Variants in HIRIP3 observed in about 807,000 individuals in gnomAD.
HIRIP3 encodes HIRA interacting protein 3.
In HIRIP3, 40 loss-of-function variants were observed where a neutral mutation model predicts 50.3. That is an observed-to-expected ratio of 0.79 (90% confidence interval 0.62 to 1.03). HIRIP3 has a LOEUF of 1.03. Among genes scored for constraint, HIRIP3 ranks in the 50% least tolerant of loss-of-function variants. The pLI, the probability that HIRIP3 is intolerant of heterozygous loss-of-function variation, is 0.00. For missense variants in HIRIP3, 765 were observed against 705.4 expected (o/e 1.08, Z -0.96); for synonymous variants, 318 against 261.6 (o/e 1.22, Z -2.08).
rs761669772 is a variant in HIRIP3, at chr16:29,995,459, G to A, written c.70C>T (p.Leu24Phe). The change falls in exon 2 of 7, where the codon CTT (leucine) becomes TTT (phenylalanine). Residue 24 changes from leucine to phenylalanine, a missense_variant. Leu to Phe is a conservative substitution (Grantham distance 22, BLOSUM62 0). Transcript: ENST00000279392. Reference sequence around the variant, plus strand: ...CTCCGCCGCACGATGGAATGCGTAAGCGTGCTGCAGGGACATGGTGTCAGG... The same window carrying A: ...CTCCGCCGCACGATGGAATGCGTAAACGTGCTGCAGGGACATGGTGTCAGG... ...FFRGRPDLSTLTHSIVRRRYL... is the reference protein window; with the variant it reads ...FFRGRPDLSTFTHSIVRRRYL... The A allele has an allele frequency of 6.2e-7, 1 of 1,613,690 alleles. No homozygotes were observed. Among genetic ancestry groups the A allele is most frequent in the South Asian group, 1.1e-5 (1 of 91,066 alleles).
In HIRIP3 at chr16:29,993,265, G is replaced by A; in HGVS notation, c.1613C>T (p.Ala538Val). The A allele has an allele frequency of 1.9e-6, 3 of 1,560,502 alleles. No homozygotes were observed. Among genetic ancestry groups the A allele is most frequent in the Non-Finnish European group, 2.6e-6 (3 of 1,153,408 alleles). Residue 538 changes from alanine (A) to valine (V), a missense_variant, in exon 7 of 7, where the codon GCA (alanine) becomes GTA (valine). Coordinates refer to ENST00000279392, the MANE Select transcript of HIRIP3 (RefSeq NM_003609.5). ...ACGCATATGTGACCAGTCTGGGGGT[G>A]CGGGACGGGGCCGCTCTTCATCTGA... ...LDSDEERPRP[A>V]PPDWSHMRGI... is the part of the protein sequence containing the mutation.
Position 29,994,109 on chromosome 16 carries a change from C to T in HIRIP3, c.1036G>A (p.Ala346Thr). The T allele has an allele frequency of 6.2e-7, 1 of 1,613,994 alleles. No individual in the cohort carries two copies. Among genetic ancestry groups the T allele is most frequent in the Non-Finnish European group, 8.5e-7 (1 of 1,179,970 alleles). The change falls in exon 4 of 7, where the codon GCT becomes ACT. Residue 346 changes from alanine to threonine, a missense_variant. Ala to Thr is a moderately conservative substitution (Grantham distance 58). Transcript: ENST00000279392. ...EEDSGKGEPT[A>T]KGSRKMARLG... ...CTGGCCATCTTTCTAGAGCCTTTAG[C>T]TGTGGGTTCCCCCTTCCCACTGTCT...
At position 29,995,156 on chromosome 16, in the gene HIRIP3, G is replaced by C. The variant is rs766721352; in HGVS notation, c.248C>G (p.Pro83Arg). 2 of 1,614,244 alleles carry C rather than the reference G, an allele frequency of 1.2e-6. No homozygotes were observed. Among genetic ancestry groups the C allele is most frequent in the South Asian group, 2.2e-5 (2 of 91,088 alleles). ...LDLTKKGKRP[P>R]TPCSDPERKR... ...TCTCTCCGGGTCGCTACAAGGGGTG[G>C]GAGGCCTCTTGCCCTTCTTGGTAAG... Residue 83 changes from proline to arginine, a missense_variant, in exon 3 of 7, where the codon CCC becomes CGC. Physicochemically the swap from Pro to Arg is moderately radical, Grantham distance 103. Coordinates refer to ENST00000279392, the MANE Select transcript of HIRIP3 (RefSeq NM_003609.5).
chr16:29,995,736 GACCGCGTGGGCCGAGA>G, upstream of HIRIP3: 2 of 1,157,704 alleles, frequency 1.7e-6, no homozygotes. Context: ...CTTGGCCGCG[GACCGCGTGGGCCGAGA>G]ACTTTGCCAG....
At position 29,993,343 on chromosome 16, in the gene HIRIP3, T is replaced by G. The variant is rs1319663085; in HGVS notation, c.1535A>C (p.Asn512Thr). ...TGGGGGTGCTGCTTCTCCTAAAGGG[T>G]TCCAGGCTGTACGTCTGCGTGGCCG... ...SGRPRRRTAWNPLGEAAPPGE... is the reference protein window; with the variant it reads ...SGRPRRRTAWTPLGEAAPPGE... The change falls in exon 7 of 7, where the codon AAC becomes ACC. Residue 512 changes from asparagine (N) to threonine (T), a missense_variant. Physicochemically the swap from Asn to Thr is moderately conservative, Grantham distance 65. Coordinates refer to ENST00000279392, the MANE Select transcript of HIRIP3 (RefSeq NM_003609.5). The G allele has an allele frequency of 1.3e-6, 2 of 1,549,144 alleles. No homozygotes were observed. The highest frequency in any genetic ancestry group is 2.7e-5 in the African/African-American group (2 of 72,976).
Position 29,995,442 on chromosome 16 carries a change from C to A in HIRIP3, c.87G>T (p.Val29=). ...PDLSTLTHSI[V]RRRYLAHSGR... Reference sequence around the variant, plus strand: ...CCGAGTGAGCTAAGTACCTCCGCCGCACGATGGAATGCGTAAGCGTGCTGC... The same window carrying A: ...CCGAGTGAGCTAAGTACCTCCGCCGAACGATGGAATGCGTAAGCGTGCTGC... Residue 29 remains valine (V), a synonymous_variant, in exon 2 of 7, where the codon GTG becomes GTT. Transcript: ENST00000279392. The A allele has an allele frequency of 6.2e-7, 1 of 1,613,636 alleles. No individual in the cohort carries two copies. The highest frequency in any genetic ancestry group is 8.5e-7 in the Non-Finnish European group (1 of 1,179,792).
At position 29,995,384 on chromosome 16, in the gene HIRIP3, C is replaced by G. The variant is rs1240975019; in HGVS notation, c.145G>C (p.Ala49Pro). Residue 49 changes from alanine to proline, a missense_variant, in exon 2 of 7, where the codon GCA (alanine) becomes CCA (proline). By Grantham distance (27) the Ala-to-Pro change is conservative (BLOSUM62 -1). Coordinates refer to ENST00000279392, the MANE Select transcript of HIRIP3 (RefSeq NM_003609.5). ...RSHLEPEEKQALKRLVEEELL... is the reference protein window; with the variant it reads ...RSHLEPEEKQPLKRLVEEELL... ...TCCTCCTCCACCAGCCGCTTCAGTG[C>G]CTGCTTCTCCTCGGGCTCCAGGTGG... is the stretch of plus-strand genomic sequence containing the variant. 1 of 1,613,378 alleles carries G rather than the reference C, an allele frequency of 6.2e-7. No homozygotes were observed. The highest frequency in any genetic ancestry group is 8.5e-7 in the Non-Finnish European group (1 of 1,179,782).
chr16:29,994,150 C>T lies in HIRIP3; in HGVS notation c.995G>A (p.Ser332Asn), dbSNP rs1467777456. Residue 332 changes from serine to asparagine, a missense_variant, in exon 4 of 7, where the codon AGC (serine) becomes AAC (asparagine). Transcript: ENST00000279392. The part of the protein sequence containing the change: ...QLKGGKRLSG[S>N]SEDEEDSGKG... ...CCCACTGTCTTCCTCGTCCTCGCTG[C>T]TTCCACTCAACCTCTTCCCACCCTT... The T allele has an allele frequency of 1.9e-6, 3 of 1,614,164 alleles. No homozygotes were observed. The highest frequency in any genetic ancestry group is 3.3e-5 in the Admixed American group (2 of 60,002).
chr16:29,994,556 C>T lies in HIRIP3; in HGVS notation c.589G>A (p.Glu197Lys). Residue 197 changes from glutamate to lysine, a missense_variant, in exon 4 of 7, where the codon GAG becomes AAG. Physicochemically the swap from Glu to Lys is moderately conservative, Grantham distance 56. Transcript: ENST00000279392. Reference protein sequence around the residue: ...VSRKQAREESEESEAEPVQRT... With the variant: ...VSRKQAREESKESEAEPVQRT... ...TGAACGGGTTCTGCCTCGCTCTCCT[C>T]ACTTTCTTCCCTGGCCTGCTTCCTA... The T allele has an allele frequency of 6.2e-7, 1 of 1,614,222 alleles. No individual in the cohort carries two copies. Among genetic ancestry groups the T allele is most frequent in the Non-Finnish European group, 8.5e-7 (1 of 1,180,040 alleles).
upstream of HIRIP3, chr16:29,995,619 G>A: frequency 1.9e-6 from 3 of 1,611,918 alleles, no homozygotes; most frequent in South Asian, 3.3e-5. Context: ...GCTCAACCCG[G>A]GATTGACGGC....
Position 29,994,299 on chromosome 16 carries a change from T to A in HIRIP3, c.846A>T (p.Ala282=). 2 of 1,614,216 alleles carry A rather than the reference T, an allele frequency of 1.2e-6. No homozygotes were observed. Among genetic ancestry groups the A allele is most frequent in the Non-Finnish European group, 1.7e-6 (2 of 1,180,040 alleles). The change falls in exon 4 of 7, where the codon GCA becomes GCT. Residue 282 remains alanine (A), a synonymous_variant. Coordinates refer to ENST00000279392, the MANE Select transcript of HIRIP3 (RefSeq NM_003609.5). ...TGTCTGAGTCTCCCAAGAGCCTCTT[T>A]GCCTGGCTTTTCTGCTTACAGCTCC... is the stretch of plus-strand genomic sequence containing the variant. ...EERSCKQKSQ[A]KRLLGDSDSE...
Position 29,994,056 on chromosome 16 carries a change from A to G in HIRIP3, c.1089T>C (p.Ser363=), listed in dbSNP as rs2150913960. The change falls in exon 4 of 7, where the codon AGT becomes AGC. Residue 363 remains serine, a synonymous_variant. Transcript: ENST00000279392. ...ARLGSTSGEE[S]DLEREVSDSE... is the part of the protein sequence containing the mutation. ...TGTCACTTACCTCCCTCTCCAAGTC[A>G]CTTTCCTCACCACTGGTGCTGCCCA... The G allele has an allele frequency of 6.2e-7, 1 of 1,612,056 alleles. No homozygotes were observed.
In HIRIP3 at chr16:29,994,737, T is replaced by C. The variant is rs920238234; in HGVS notation, c.408A>G (p.Ser136=). ...CATCACTGCTCTCCTCAACTGCCTT[T>C]GAGGCTCGCCTTGGATTCTCCTCTT... ...PAKEENPRRA[S]KAVEESSDEE... The change falls in exon 4 of 7, where the codon TCA becomes TCG. Residue 136 remains serine, a synonymous_variant. Coordinates refer to ENST00000279392, the MANE Select transcript of HIRIP3 (RefSeq NM_003609.5). 5.0e-6 allele frequency: 8 copies of C among 1,614,082 alleles called. No homozygotes were observed. The highest frequency in any genetic ancestry group is 6.8e-6 in the Non-Finnish European group (8 of 1,180,038).
intron 3 of HIRIP3, 43 bp downstream of exon 3, chr16:29,995,060 C>T (rs376392068): frequency 6.3e-7 from 1 of 1,586,474 alleles, no homozygotes; most frequent in African/African-American, 1.3e-5. Context: ...CTTGAGTGAA[C>T]CAACGATGCA....
rs202182602 is a variant in HIRIP3 at position 29,994,864 on chromosome 16, A to G, written c.302-21T>C. ...GGACTCTGGAATATGGAGAGGAGAG[A>G]GGGTTGAGACAGGCTCCTCCTGTCC... On this transcript the variant is annotated intron_variant, in intron 3 of 6. Coordinates refer to ENST00000279392, the MANE Select transcript of HIRIP3 (RefSeq NM_003609.5). 3 of 1,581,212 alleles carry G rather than the reference A, an allele frequency of 1.9e-6. No individual in the cohort carries two copies. In the East Asian group the frequency reaches 6.7e-5, roughly 35 times the overall value.
chr16:29,993,025 TCTTAAAAAATAAACA>T lies in HIRIP3; in HGVS notation c.*167_*181del. On this transcript the variant is annotated 3_prime_UTR_variant, in exon 7 of 7. Coordinates refer to ENST00000279392, the MANE Select transcript of HIRIP3 (RefSeq NM_003609.5). ...TGATTAAAAACACTCCTTTATTGAG[TCTTAAAAAATAAACA>T]CCTTAAAGGGACAGCGTGAAGCTGA... 1 of 465,576 alleles carries T rather than the reference TCTTAAAAAATAAACA, an allele frequency of 2.1e-6. No homozygotes were observed. The highest frequency in any genetic ancestry group is 3.6e-6 in the Non-Finnish European group (1 of 274,336). The allele number at this position is 465,576 out of a possible 1,614,324, so 28.8% of individuals were successfully genotyped here.
In HIRIP3 at chr16:29,993,777, G is replaced by C. The variant is rs771879251; in HGVS notation, c.1271C>G (p.Pro424Arg). Residue 424 changes from proline (P) to arginine (R), a missense_variant, in exon 5 of 7, where the codon CCG (proline) becomes CGG (arginine). By Grantham distance (103) the Pro-to-Arg change is moderately radical (BLOSUM62 -2). Transcript: ENST00000279392. Reference protein sequence around the residue: ...AGSGRRGEDHPAVMRLKRYIR... With the variant: ...AGSGRRGEDHRAVMRLKRYIR... The stretch of plus-strand genomic sequence containing the variant: ...GTAGCGCTTCAGCCTCATCACAGCC[G>C]GGTGGTCCTCTCCACGGCGACCTGA... 1 of 1,611,288 alleles carries C rather than the reference G, an allele frequency of 6.2e-7. No individual in the cohort carries two copies. Among genetic ancestry groups the C allele is most frequent in the East Asian group, 2.2e-5 (1 of 44,876 alleles).
rs141766249 is a variant in HIRIP3, at chr16:29,993,654, G to A, written c.1394C>T (p.Ala465Val). The part of the protein sequence containing the change: ...RLSILRAELE[A>V]LGMKGTPSLG... ...CCGGGCCTCACCCTTCATGCCTAGC[G>A]CTTCCAGTTCTGCCCGGAGGATACT... Residue 465 changes from alanine (A) to valine (V), a missense_variant, in exon 5 of 7, where the codon GCG becomes GTG. By Grantham distance (64) the Ala-to-Val change is moderately conservative. Coordinates refer to ENST00000279392, the MANE Select transcript of HIRIP3 (RefSeq NM_003609.5). 5.6e-6 allele frequency: 9 copies of A among 1,612,120 alleles called. No homozygotes were observed. Among genetic ancestry groups the A allele is most frequent in the Admixed American group, 3.3e-5 (2 of 60,008 alleles).
rs1254198265 is a variant in HIRIP3, at chr16:29,995,178, T to C, written c.226A>G (p.Thr76Ala). The C allele has an allele frequency of 6.2e-7, 1 of 1,614,102 alleles. No homozygotes were observed. The highest frequency in any genetic ancestry group is 8.5e-7 in the Non-Finnish European group (1 of 1,180,050). Reference sequence around the variant, plus strand: ...GTGGGAGGCCTCTTGCCCTTCTTGGTAAGGTCCAGTTTGTCTTCCCTGGAA... The same window carrying C: ...GTGGGAGGCCTCTTGCCCTTCTTGGCAAGGTCCAGTTTGTCTTCCCTGGAA... ...AASREDKLDL[T>A]KKGKRPPTPC... Residue 76 changes from threonine to alanine, a missense_variant, in exon 3 of 7, where the codon ACC becomes GCC. By Grantham distance (58) the Thr-to-Ala change is moderately conservative (BLOSUM62 0). Coordinates refer to ENST00000279392, the MANE Select transcript of HIRIP3 (RefSeq NM_003609.5).
Sources: allele counts gnomAD v4.1 joint callset, GRCh38; gene constraint gnomAD v4.1.1; transcripts MANE v1.5; gene names NCBI Gene and HGNC (gene_info 2026-07-23, HGNC 2026-07-21).